TPM3: variants seen among roughly 807,000 people sequenced by gnomAD.
TPM3 encodes the protein tropomyosin 3, also known as tropomyosin alpha-3 chain.
In TPM3, 16 loss-of-function variants were observed where a neutral mutation model predicts 43.1. The observed-to-expected ratio is 0.37, with a 90% CI of 0.25 to 0.56. TPM3 has a LOEUF of 0.56. TPM3 is among the 20% of genes least tolerant of loss of function. TPM3 has a pLI of 0.77. For missense variants in TPM3, 176 were observed against 337.2 expected, an observed-to-expected ratio of 0.52 and a Z score of 3.74; for synonymous variants, 101 against 116.9, an observed-to-expected ratio of 0.86 and a Z score of 0.88.
rs149025356 is a variant in TPM3 at position 154,178,800 on chromosome 1, T to A, written c.244-2552A>T. Reference sequence around the variant, plus strand: ...TCTGCCCAGTGTGGAGGATATACAGTACTCTGTGGTTCTTCCCTTCAAGTA... The same window carrying A: ...TCTGCCCAGTGTGGAGGATATACAGAACTCTGTGGTTCTTCCCTTCAAGTA... On this transcript the variant is annotated intron_variant, in intron 2 of 9. Coordinates refer to ENST00000651641, the MANE Select transcript of TPM3 (RefSeq NM_152263.4). 3.4e-4 allele frequency among the ~76,000 whole-genome samples: 52 copies of A among 152,340 alleles called. 1 individual carries two copies. In the East Asian group the frequency reaches 9.1e-3, roughly 27 times the overall value.
At chr1:154,159,671 A>C (rs1660149959), downstream of TPM3, among the ~76,000 whole-genome samples, 2 of 152,162 alleles carry the variant, frequency 1.3e-5, no homozygotes, top group Admixed American at 1.3e-4. Context: ...GTCCCAGGGA[A>C]GGCAAATTAC....
chr1:154,175,528 G>T (rs745600968), intron 3 of TPM3, among the ~76,000 whole-genome samples: 5 of 152,016 alleles, frequency 3.3e-5, no homozygotes, highest in African/African-American at 4.8e-5. Context: ...AAAACAGATT[G>T]CCAGGCCCCA....
At chr1:154,176,987 A>G (rs1358290260) in intron 2 of TPM3, among the ~76,000 whole-genome samples, 2 of 151,912 alleles carry the variant, frequency 1.3e-5, no homozygotes, top group Admixed American at 1.3e-4. Context: ...TCAAAAAAAA[A>G]AAAAAAAAAA....
At chr1:154,157,464 G>A, downstream of TPM3, 1 of 722,590 alleles carries the variant, frequency 1.4e-6, no homozygotes, top group East Asian at 2.4e-5. Context: ...GATTCTCCGG[G>A]AAGAGGCAGA....
At chr1:154,168,871 T>C (rs1217147127) in intron 9 of TPM3, among the ~76,000 whole-genome samples, 2 of 150,218 alleles carry the variant, frequency 1.3e-5, no homozygotes, top group South Asian at 4.2e-4. Flanking sequence ...GGTCTCACTC[T>C]GTTGCCCAGG....
At chr1:154,161,131 T>TAAAAAAAAA (rs953940037), downstream of TPM3, among the ~76,000 whole-genome samples, 38 of 84,986 alleles carry the variant, frequency 4.5e-4, no homozygotes, top group Non-Finnish European at 5.9e-4. Context: ...ATGCAAATAT[T>TAAAAAAAAA]AAAAAAAAAA....
At chr1:154,188,017 GTTTT>G (rs1663484453) in intron 2 of TPM3, among the ~76,000 whole-genome samples, 1 of 151,304 alleles carries the variant, frequency 6.6e-6, no homozygotes, top group African/African-American at 2.5e-5. Context: ...TTGTTTGTTT[GTTTT>G]GTTTTGTTTT....
chr1:154,179,106 T>C (rs1165440410), intron 2 of TPM3, among the ~76,000 whole-genome samples: 1 of 152,228 alleles, frequency 6.6e-6, no homozygotes, highest in African/African-American at 2.4e-5. Context: ...AAGCCACAGA[T>C]AAAATTCAAA....
rs775750813 is a variant in TPM3, at chr1:154,170,404, C to T, written c.771G>A (p.Leu257=). 6.2e-7 allele frequency: 1 copy of T among 1,613,988 alleles called. No homozygotes were observed. Among genetic ancestry groups the T allele is most frequent in the African/African-American group, 1.3e-5 (1 of 74,918 alleles). ...TCCCTACTCCAGGTTCCATACCTTCCAGGTCATCAATTGTCTTTTCCAGCT... is the reference window on the plus strand; with the variant it reads ...TCCCTACTCCAGGTTCCATACCTTCTAGGTCATCAATTGTCTTTTCCAGCT... ...VAKLEKTIDD[L]EDELYAQKLK... is the part of the protein sequence containing the mutation. The change falls in exon 8 of 10, where the codon CTG becomes CTA. Residue 257 remains leucine, a synonymous_variant. Coordinates refer to ENST00000651641, the MANE Select transcript of TPM3 (RefSeq NM_152263.4).
At chr1:154,183,347 G>T (rs1436258189) in intron 2 of TPM3, 7 of 1,427,100 alleles carry the variant, frequency 4.9e-6, no homozygotes, top group Non-Finnish European at 6.5e-6. Context: ...TCGCCCTGGA[G>T]TACGGCTCCC....
intron 2 of TPM3, chr1:154,183,377 A>G: frequency 7.8e-7 from 1 of 1,274,682 alleles, no homozygotes; most frequent in South Asian, 1.5e-5. Flanking sequence ...TTGGGCCAGT[A>G]AACTGGGACG....
chr1:154,176,313 A>T, intron 2 of TPM3, 65 bp from the exon 3 acceptor site: 1 of 1,611,662 alleles, frequency 6.2e-7, no homozygotes, highest in Admixed American at 1.7e-5. Context: ...AATAACTATG[A>T]CATTAAGATC....
At chr1:154,155,932 T>C (rs1659760417), downstream of TPM3, 1 of 193,750 alleles carries the variant, frequency 5.2e-6, no homozygotes, top group South Asian at 1.9e-4. Context: ...TGCTCTATAT[T>C]AAATCCTGTT....
At chr1:154,181,230 C>T (rs921537371) in intron 2 of TPM3, among the ~76,000 whole-genome samples, 3 of 152,164 alleles carry the variant, frequency 2.0e-5, no homozygotes, top group Admixed American at 6.5e-5. Flanking sequence ...CCCATCCCAG[C>T]ATCTCCATGA....
At chr1:154,158,766 A>AT, downstream of TPM3, 2 of 574,852 alleles carry the variant, frequency 3.5e-6, no homozygotes, top group Non-Finnish European at 6.4e-6. Flanking sequence ...TTCACCCATA[A>AT]TCTCTTCTAA....
rs750982990 is a variant in TPM3, at chr1:154,164,308, C to T, written c.*3629G>A. Among the ~76,000 whole-genome samples, 5 of 152,056 alleles carry T rather than the reference C, an allele frequency of 3.3e-5. No homozygotes were observed. The highest frequency in any genetic ancestry group is 2.1e-4 in the South Asian group (1 of 4,822). On this transcript the variant is annotated 3_prime_UTR_variant, in exon 10 of 10. Coordinates refer to ENST00000651641, the MANE Select transcript of TPM3 (RefSeq NM_152263.4). ...CTCCAAGTAGATAGGACTGCAGGCA[C>T]GCACCACCATGTTTGGCTAAGTTTT...
At chr1:154,175,643 A>G (rs1228578734) in intron 3 of TPM3, among the ~76,000 whole-genome samples, 1 of 152,204 alleles carries the variant, frequency 6.6e-6, no homozygotes, top group Non-Finnish European at 1.5e-5. Flanking sequence ...CCTTACTTAG[A>G]GAACCTCTGT....
At chr1:154,171,671 G>A in intron 5 of TPM3, 183 bp from the exon 6 acceptor site, 1 of 713,660 alleles carries the variant, frequency 1.4e-6, no homozygotes, top group Non-Finnish European at 2.4e-6. Flanking sequence ...CATAGAACGT[G>A]TCAGGAGCTA....
chr1:154,171,675 G>A, intron 5 of TPM3, 187 bp from the exon 6 acceptor site: 1 of 695,422 alleles, frequency 1.4e-6, no homozygotes. Context: ...GAACGTGTCA[G>A]GAGCTAGACC....
Sources: allele counts gnomAD v4.1 joint callset (sites outside exome capture counted in the v4.1 genomes callset), GRCh38; gene constraint gnomAD v4.1.1; transcripts MANE v1.5; gene names NCBI Gene and HGNC (gene_info 2026-07-23, HGNC 2026-07-21).